Variants in ZDHHC14 observed in about 807,000 individuals in gnomAD.
ZDHHC14 encodes the protein zDHHC palmitoyltransferase 14.
A neutral mutation model predicts 47.7 loss-of-function variants in ZDHHC14; 16 were observed. The ratio of observed to expected loss-of-function variants is 0.34; its 90% confidence interval spans 0.23 to 0.51. The LOEUF (loss-of-function observed/expected upper bound fraction) is 0.51, where lower values mean the gene tolerates loss of function less well. Among genes scored for constraint, ZDHHC14 ranks in the 20% least tolerant of loss-of-function variants. ZDHHC14 has a pLI of 0.97. For missense variants in ZDHHC14, 515 were observed against 662.5 expected (o/e 0.78, Z 2.44); for synonymous variants, 293 against 278.9 (o/e 1.05, Z -0.50).
chr6:157,656,807 A>G (rs1446102812), intron 8 of ZDHHC14, among the ~76,000 whole-genome samples: 1 of 151,938 alleles, frequency 6.6e-6, no homozygotes, highest in Non-Finnish European at 1.5e-5. Flanking sequence ...AAAGAGCTGC[A>G]TGCGACATCA....
rs556714336 is a variant in ZDHHC14 at position 157,623,535 on chromosome 6, A to T, written c.566-4814A>T. ...TATAGCAGCATGAGAACAGACTCAT[A>T]CATCTTTTTTTTTTTTTTTTTTTTT... On this transcript the variant is annotated intron_variant, in intron 3 of 8. Transcript: ENST00000359775. Among the ~76,000 whole-genome samples, 3 of 148,896 alleles carry T rather than the reference A, an allele frequency of 2.0e-5. No homozygotes were observed. In the East Asian group the frequency reaches 5.9e-4, roughly 29 times the overall value.
chr6:157,566,750 T>C (rs1041415137), intron 2 of ZDHHC14, among the ~76,000 whole-genome samples: 2 of 152,188 alleles, frequency 1.3e-5, no homozygotes, highest in Non-Finnish European at 2.9e-5. Flanking sequence ...CCCAGTCCCA[T>C]CTGGGTCACT....
chr6:157,674,835 T>C lies in ZDHHC14; in HGVS notation c.*1713T>C, dbSNP rs1778944022. The C allele has an allele frequency of 1.3e-5, 2 of 152,268 alleles. No homozygotes were observed. Among genetic ancestry groups the C allele is most frequent in the African/African-American group, 4.8e-5 (2 of 41,478 alleles). 9.4% of individuals were successfully genotyped at this position (152,268 alleles called of 1,614,324 possible). A position where few individuals can be genotyped will look rare whatever the true frequency, so the allele number is the denominator to read the frequency against. ...CTTGCACTGTGATGTCTTCGAGCCA[T>C]CTTTATTGTCATGCTGCATGCACGT... is the stretch of plus-strand genomic sequence containing the variant. On this transcript the variant is annotated 3_prime_UTR_variant, in exon 9 of 9. Coordinates refer to ENST00000359775, the MANE Select transcript of ZDHHC14 (RefSeq NM_024630.3).
At chr6:157,580,730 GTGTGTT>G (rs889208473) in intron 2 of ZDHHC14, among the ~76,000 whole-genome samples, 111 of 151,522 alleles carry the variant, frequency 7.3e-4, no homozygotes, top group African/African-American at 2.5e-3. Context: ...GTGTGTGTGT[GTGTGTT>G]TTTTTCTTTG....
At chr6:157,512,265 C>G (rs1780520852) in intron 1 of ZDHHC14, among the ~76,000 whole-genome samples, 1 of 152,222 alleles carries the variant, frequency 6.6e-6, no homozygotes. Flanking sequence ...GTCCATGGCC[C>G]TGGCTGGCCC....
intron 1 of ZDHHC14, among the ~76,000 whole-genome samples, chr6:157,472,267 C>T (rs1779373456): frequency 1.3e-5 from 2 of 152,108 alleles, no homozygotes; most frequent in Non-Finnish European, 2.9e-5. Context: ...GACCCATCAG[C>T]CCAGGAGGAG....
chr6:157,649,933 C>A (rs1264168641), intron 7 of ZDHHC14, among the ~76,000 whole-genome samples: 1 of 152,106 alleles, frequency 6.6e-6, no homozygotes. Flanking sequence ...GGAGCCAGTT[C>A]CGTGCCAGGC....
intron 1 of ZDHHC14, among the ~76,000 whole-genome samples, chr6:157,394,967 A>G (rs1449410975): frequency 6.6e-6 from 1 of 151,076 alleles, no homozygotes; most frequent in Non-Finnish European, 1.5e-5. Context: ...TGCTTCTTTG[A>G]GCAGGAGAGA....
chr6:157,382,555 G>T (rs1392497584), intron 1 of ZDHHC14, among the ~76,000 whole-genome samples: 1 of 152,156 alleles, frequency 6.6e-6, no homozygotes, highest in African/African-American at 2.4e-5. Flanking sequence ...AGGTGGGGCC[G>T]CCGGTCCCTG....
chr6:157,402,064 A>G (rs1477149248), intron 1 of ZDHHC14, among the ~76,000 whole-genome samples: 1 of 150,782 alleles, frequency 6.6e-6, no homozygotes, highest in East Asian at 2.0e-4. Flanking sequence ...AGCAAGTGAG[A>G]TGCGCACCTG....
At chr6:157,583,731 G>A (rs1293673863) in intron 2 of ZDHHC14, among the ~76,000 whole-genome samples, 5 of 152,068 alleles carry the variant, frequency 3.3e-5, no homozygotes, top group East Asian at 1.9e-4. Context: ...TGCAGATCTC[G>A]GCTTGGCACT....
At chr6:157,658,989 T>G (rs548201507) in intron 8 of ZDHHC14, among the ~76,000 whole-genome samples, 3 of 152,242 alleles carry the variant, frequency 2.0e-5, no homozygotes, top group Non-Finnish European at 4.4e-5. Context: ...CTCTACTTAT[T>G]ATAGGTCTAT....
intron 1 of ZDHHC14, among the ~76,000 whole-genome samples, chr6:157,404,292 A>G (rs1161358417): frequency 6.6e-6 from 1 of 152,044 alleles, no homozygotes; most frequent in East Asian, 1.9e-4. Context: ...GTGTGCCACC[A>G]TGTCCGGCTA....
rs556913230 is a variant in ZDHHC14 at position 157,418,569 on chromosome 6, G to A, written c.245+36303G>A. 7.2e-5 allele frequency among the ~76,000 whole-genome samples: 11 copies of A among 152,258 alleles called. No homozygotes were observed. The South Asian group carries it at 1.5e-3, about 20-fold the overall frequency. ...GGAAAAATGATAGGTTTAATAAAAC[G>A]TAGGCCTGGAAACATGGCTTGTTCA... On this transcript the variant is annotated intron_variant, in intron 1 of 8. Coordinates refer to ENST00000359775, the MANE Select transcript of ZDHHC14 (RefSeq NM_024630.3).
At position 157,673,680 on chromosome 6, in the gene ZDHHC14, G is replaced by C. The variant is rs1309962269; in HGVS notation, c.*558G>C. 6.5e-6 allele frequency: 1 copy of C among 152,930 alleles called. No individual in the cohort carries two copies. The highest frequency in any genetic ancestry group is 1.5e-5 in the Non-Finnish European group (1 of 68,414). The allele number at this position is 152,930 out of a possible 1,614,324, so 9.5% of individuals were successfully genotyped here. ...TTTGTGAATTTTCAAGTGCTGTTTTGTTGGAAGACAGTGCAACGAACTGAG... is the reference window on the plus strand; with the variant it reads ...TTTGTGAATTTTCAAGTGCTGTTTTCTTGGAAGACAGTGCAACGAACTGAG... On this transcript the variant is annotated 3_prime_UTR_variant, in exon 9 of 9. Transcript: ENST00000359775. This position sits in a 1 kb window ranked among gnomAD's most constrained non-coding sequence, Gnocchi z 5.4.
At chr6:157,471,200 G>A (rs920429010) in intron 1 of ZDHHC14, among the ~76,000 whole-genome samples, 2 of 152,200 alleles carry the variant, frequency 1.3e-5, no homozygotes, top group African/African-American at 4.8e-5. Flanking sequence ...TGATTTGATG[G>A]GACTGGCGCG....
At chr6:157,584,266 G>A (rs564301525) in intron 2 of ZDHHC14, among the ~76,000 whole-genome samples, 2 of 152,188 alleles carry the variant, frequency 1.3e-5, no homozygotes, top group East Asian at 3.9e-4. Context: ...GGGGCATGGG[G>A]GCTCACAGGG....
chr6:157,401,859 T>G (rs1257109183), intron 1 of ZDHHC14, among the ~76,000 whole-genome samples: 2 of 122,856 alleles, frequency 1.6e-5, no homozygotes, highest in African/African-American at 3.2e-5. Flanking sequence ...CAGCAAGTGA[T>G]ATGTGCACCT....
At chr6:157,645,613 G>A (rs983951408) in intron 5 of ZDHHC14, 124 bp from the exon 6 acceptor site, 20 of 693,670 alleles carry the variant, frequency 2.9e-5, no homozygotes, top group Non-Finnish European at 3.8e-5. Flanking sequence ...AGGCAAGGCC[G>A]GGTGAGAGAG....
Sources: gnomAD v4.1 joint callset for allele counts (sites outside exome capture counted in the v4.1 genomes callset) on GRCh38, gnomAD v4.1.1 for gene constraint, Gnocchi (gnomAD v3.1) non-coding constraint, MANE v1.5 for transcripts, NCBI Gene and HGNC (gene_info 2026-07-23, HGNC 2026-07-21) for gene names.